The following NBEAL1 variants were observed in gnomAD, a reference collection of about 807,000 sequenced individuals.
NBEAL1 encodes the protein neurobeachin like 1.
In NBEAL1, 273 loss-of-function variants were observed where a neutral mutation model predicts 351.3. The observed-to-expected ratio is 0.78, with a 90% CI of 0.70 to 0.86. The LOEUF (loss-of-function observed/expected upper bound fraction) is 0.86, where lower values mean the gene tolerates loss of function less well. Among genes scored for constraint, NBEAL1 ranks in the 40% least tolerant of loss-of-function variants. The probability of loss-of-function intolerance (pLI) is 0.00; values close to 1 mark genes in which losing one functional copy is unlikely to be tolerated. For missense variants in NBEAL1, 2,961 were observed against 3,201.3 expected (o/e 0.92, Z 1.81); for synonymous variants, 1,050 against 1,086.4 (o/e 0.97, Z 0.66).
Position 203,025,221 on chromosome 2 carries a change from T to C in NBEAL1, c.51+8786T>C, listed in dbSNP as rs529498136. On this transcript the variant is annotated intron_variant, in intron 2 of 55. Transcript: ENST00000683969. Reference sequence around the variant, plus strand: ...AATTGAACTGTCACTGATGATCCCTTGGTAGCAATCCAAATGTGACCTTTG... The same window carrying C: ...AATTGAACTGTCACTGATGATCCCTCGGTAGCAATCCAAATGTGACCTTTG... Among the ~76,000 whole-genome samples the C allele has an allele frequency of 6.0e-3, 916 of 152,328 alleles. 4 individuals carry two copies. Among genetic ancestry groups the C allele is most frequent in the Non-Finnish European group, 9.6e-3 (652 of 68,022 alleles).
chr2:203,042,177 A>G (rs955589534), intron 3 of NBEAL1, among the ~76,000 whole-genome samples: 1 of 152,248 alleles, frequency 6.6e-6, no homozygotes, highest in Admixed American at 6.5e-5. Flanking sequence ...GACATTAGCC[A>G]CTACAAGTCT....
chr2:203,142,065 C>T (rs747905940), intron 31 of NBEAL1, among the ~76,000 whole-genome samples: 2 of 152,186 alleles, frequency 1.3e-5, no homozygotes, highest in Non-Finnish European at 2.9e-5. Flanking sequence ...CTGGGCTGCA[C>T]ATTAAATCAC....
rs1287885838 is a variant in NBEAL1 at position 203,183,293 on chromosome 2, C to T, written c.6610C>T (p.Arg2204Cys). ...LENQNQFNLG[R>C]LQISKELVND... ...ACATGTCTTAGAATTTAACTTGGGT[C>T]GTCTACAGATTTCCAAAGAATTAGT... The change falls in exon 44 of 56, where the codon CGT becomes TGT. Residue 2204 changes from arginine (R) to cysteine (C), a missense_variant. Transcript: ENST00000683969. 3.8e-6 allele frequency: 6 copies of T among 1,572,762 alleles called. No individual in the cohort carries two copies. Among genetic ancestry groups the T allele is most frequent in the East Asian group, 2.3e-5 (1 of 44,158 alleles).
Position 203,122,749 on chromosome 2 carries a change from C to T in NBEAL1, c.2682+406C>T, listed in dbSNP as rs186783175. Among the ~76,000 whole-genome samples, 208 of 152,310 alleles carry T rather than the reference C, an allele frequency of 1.4e-3. 1 individual carries two copies. The highest frequency in any genetic ancestry group is 3.4e-3 in the Middle Eastern group (1 of 294). On this transcript the variant is annotated intron_variant, in intron 19 of 55. Transcript: ENST00000683969. ...GAACTTTGCTTCCATCTAGAGGCTT[C>T]TACTTACTTTCCAAGACCAAACTGC...
At chr2:203,079,142 C>T (rs1397680271) in intron 8 of NBEAL1, among the ~76,000 whole-genome samples, 6 of 152,100 alleles carry the variant, frequency 3.9e-5, no homozygotes, top group African/African-American at 1.4e-4. Flanking sequence ...TGCAGTGGCT[C>T]TATCATGGCT....
intron 10 of NBEAL1, among the ~76,000 whole-genome samples, chr2:203,094,351 C>T (rs541761302): frequency 6.6e-6 from 1 of 152,176 alleles, no homozygotes; most frequent in Admixed American, 6.5e-5. Flanking sequence ...CCCAAATATA[C>T]CGCATGATGC....
intron 12 of NBEAL1, 110 bp from the exon 13 acceptor site, chr2:203,107,310 A>G: frequency 1.9e-6 from 1 of 524,856 alleles, no homozygotes; most frequent in Non-Finnish European, 3.3e-6. Flanking sequence ...CTTTTTCTTT[A>G]TTTAATATTA....
chr2:203,018,736 C>T (rs769953758), intron 2 of NBEAL1, among the ~76,000 whole-genome samples: 10 of 152,232 alleles, frequency 6.6e-5, no homozygotes, highest in Non-Finnish European at 1.3e-4. Flanking sequence ...ATTACCAGCT[C>T]ATGTTCAGTC....
At chr2:203,054,470 C>T (rs1272756214) in intron 4 of NBEAL1, among the ~76,000 whole-genome samples, 6 of 151,652 alleles carry the variant, frequency 4.0e-5, no homozygotes, top group East Asian at 1.9e-4. Context: ...TGTCTTGCTA[C>T]GTTGCCCAGG....
intron 10 of NBEAL1, among the ~76,000 whole-genome samples, chr2:203,095,023 C>T (rs527894790): frequency 3.3e-5 from 5 of 151,998 alleles, no homozygotes; most frequent in Non-Finnish European, 7.4e-5. Context: ...ACTCAGGAGG[C>T]TGAGGCAGGA....
intron 42 of NBEAL1, among the ~76,000 whole-genome samples, chr2:203,179,838 G>C (rs2064646183): frequency 6.6e-6 from 1 of 151,974 alleles, no homozygotes; most frequent in African/African-American, 2.4e-5. Context: ...GAGTGCAGTG[G>C]CACAATCTCC....
chr2:203,105,290 A>C (rs1050649017), intron 12 of NBEAL1, among the ~76,000 whole-genome samples: 6 of 151,820 alleles, frequency 4.0e-5, no homozygotes, highest in Non-Finnish European at 8.8e-5. Flanking sequence ...GTGAAACCCC[A>C]TCTCTACTAA....
intron 31 of NBEAL1, among the ~76,000 whole-genome samples, chr2:203,142,175 A>G (rs1000544018): frequency 6.6e-6 from 1 of 152,036 alleles, no homozygotes; most frequent in Non-Finnish European, 1.5e-5. Context: ...TTTGTTTTTG[A>G]GACAGAGTCT....
Position 203,039,189 on chromosome 2 carries a change from T to TTTTCTTTC in NBEAL1, c.52-2576_52-2575insTTTCTTTC, listed in dbSNP as rs2061088538. Among the ~76,000 whole-genome samples the TTTTCTTTC allele has an allele frequency of 6.0e-5, 7 of 115,990 alleles. 1 individual carries two copies. Among genetic ancestry groups the TTTTCTTTC allele is most frequent in the Admixed American group, 9.0e-5 (1 of 11,118 alleles). 76.1% of individuals were successfully genotyped at this position (115,990 alleles called of 152,430 possible). ...CTGTCTTTTTTCTTTCCTTTCCTTT[T>TTTTCTTTC]CTTTCCTTTCCTTTCCTTTCCTTTC... On this transcript the variant is annotated intron_variant, in intron 2 of 55. Coordinates refer to ENST00000683969, the MANE Select transcript of NBEAL1 (RefSeq NM_001378026.1).
At chr2:203,202,486 C>CAAAG (rs1358649546) in intron 50 of NBEAL1, among the ~76,000 whole-genome samples, 1 of 152,184 alleles carries the variant, frequency 6.6e-6, no homozygotes, top group Non-Finnish European at 1.5e-5. Flanking sequence ...AGGGGGATTT[C>CAAAG]AAAGAAAGCT....
rs375648073 is a variant in NBEAL1, at chr2:203,134,588, G to C, written c.3814-1089G>C. Among the ~76,000 whole-genome samples the C allele has an allele frequency of 5.9e-5, 9 of 152,198 alleles. No homozygotes were observed. In the South Asian group the frequency reaches 6.2e-4, roughly 11 times the overall value. On this transcript the variant is annotated intron_variant, in intron 27 of 55. Transcript: ENST00000683969. The stretch of plus-strand genomic sequence containing the variant: ...GTTAAGAGAGATACTCAAAACCCTG[G>C]AAGCTAGAGTTCTTTTCATCTACAT...
At chr2:203,196,005 C>G (rs1293972113) in intron 47 of NBEAL1, among the ~76,000 whole-genome samples, 4 of 152,210 alleles carry the variant, frequency 2.6e-5, no homozygotes, top group Non-Finnish European at 5.9e-5. Flanking sequence ...CAGATGCCAA[C>G]CAAAGGCCAG....
At chr2:203,172,883 A>G (rs1293379044) in intron 41 of NBEAL1, 30 bp downstream of exon 41, 1 of 1,561,556 alleles carries the variant, frequency 6.4e-7, no homozygotes, top group South Asian at 1.2e-5. Flanking sequence ...TTTATAAAAT[A>G]CACATTGCTT....
intron 7 of NBEAL1, among the ~76,000 whole-genome samples, chr2:203,070,514 C>T (rs185118021): frequency 2.0e-5 from 3 of 152,104 alleles, no homozygotes; most frequent in Admixed American, 6.6e-5. Context: ...CATGAATGCA[C>T]CATCATAAGC....
Sources: allele counts gnomAD v4.1 joint callset (sites outside exome capture counted in the v4.1 genomes callset), GRCh38; gene constraint gnomAD v4.1.1; transcripts MANE v1.5; gene names NCBI Gene and HGNC (gene_info 2026-07-23, HGNC 2026-07-21).